Variants in KIF13B observed in about 807,000 individuals in gnomAD.
The protein encoded by KIF13B is kinesin family member 13B.
Under a neutral mutation model 222.0 loss-of-function variants are expected in KIF13B, and 127 were observed. The ratio of observed to expected loss-of-function variants is 0.57; its 90% CI spans 0.50 to 0.66. KIF13B has a LOEUF of 0.66. Among genes scored for constraint, KIF13B ranks in the 30% least tolerant of loss-of-function variants. KIF13B has a pLI of 0.00. For synonymous variants in KIF13B, 976 were observed against 919.0 expected, an observed-to-expected ratio of 1.06 and a Z score of -1.12; for missense variants, 2,173 against 2,379.0, an observed-to-expected ratio of 0.91 and a Z score of 1.80.
At chr8:29,075,373 C>A in intron 37 of KIF13B, 30 bp from the exon 38 acceptor site, 1 of 1,547,022 alleles carries the variant, frequency 6.5e-7, no homozygotes, top group South Asian at 1.2e-5. Flanking sequence ...GGTCAGGGGT[C>A]GAGAGGACAG....
intron 31 of KIF13B, among the ~76,000 whole-genome samples, chr8:29,116,469 A>T (rs1563714746): frequency 6.7e-6 from 1 of 148,988 alleles, no homozygotes; most frequent in African/African-American, 2.5e-5. Context: ...ACTCTATCTT[A>T]AAAAAAAAAG....
chr8:29,231,142 A>T (rs1237752542), intron 2 of KIF13B, among the ~76,000 whole-genome samples: 1 of 152,094 alleles, frequency 6.6e-6, no homozygotes, highest in African/African-American at 2.4e-5. Context: ...AGCCTCCCAA[A>T]GTGCTGGGAC....
In KIF13B at chr8:29,118,897, A is replaced by G. The variant is rs781097758; in HGVS notation, c.3631T>C (p.Leu1211=). 7.4e-6 allele frequency: 12 copies of G among 1,613,858 alleles called. No individual in the cohort carries two copies. The highest frequency in any genetic ancestry group is 1.0e-5 in the Non-Finnish European group (12 of 1,179,870). Residue 1211 remains leucine (L), a synonymous_variant, in exon 30 of 40, where the codon TTG becomes CTG. Coordinates refer to ENST00000524189, the MANE Select transcript of KIF13B (RefSeq NM_015254.4). ...TGEEEEEFFE[L]QIVKQHDGEV... is the part of the protein sequence containing the mutation. ...CCATCATGCTGCTTCACAATCTGCA[A>G]TTCAAAGAACTCCTCTTCTTCTTCC...
intron 2 of KIF13B, among the ~76,000 whole-genome samples, chr8:29,244,639 C>T (rs2130648896): frequency 6.6e-6 from 1 of 152,346 alleles, no homozygotes; most frequent in Admixed American, 6.5e-5. Context: ...ACTTCCTCAT[C>T]TGCTTTCCAG....
At chr8:29,075,157 T>G in intron 38 of KIF13B, 124 bp downstream of exon 38, 1 of 756,714 alleles carries the variant, frequency 1.3e-6, no homozygotes, top group South Asian at 1.5e-5. Flanking sequence ...TGACCTATAT[T>G]ATAACTAATT....
intron 2 of KIF13B, among the ~76,000 whole-genome samples, chr8:29,199,019 T>C (rs990423655): frequency 4.0e-5 from 6 of 149,626 alleles, no homozygotes; most frequent in Non-Finnish European, 5.9e-5. Flanking sequence ...GTCCCCATTG[T>C]ATAACTCATC....
intron 35 of KIF13B, among the ~76,000 whole-genome samples, chr8:29,101,767 C>G (rs1438601869): frequency 6.6e-6 from 1 of 152,160 alleles, no homozygotes; most frequent in East Asian, 1.9e-4. Flanking sequence ...TGTCCTGAGA[C>G]AGGGACCTCA....
chr8:29,140,075 T>C lies in KIF13B; in HGVS notation c.2601A>G (p.Lys867=). The change falls in exon 21 of 40, where the codon AAA becomes AAG. Residue 867 remains lysine, a synonymous_variant. Coordinates refer to ENST00000524189, the MANE Select transcript of KIF13B (RefSeq NM_015254.4). ...AGCTGGGACTTACCATGCACACCAG[T>C]TTGTTCTCCTGGGTCTCCTTCTCAA... ...VSFEKETQEN[K]LVCMVKILQA... is the part of the protein sequence containing the mutation. The C allele has an allele frequency of 2.5e-6, 4 of 1,591,658 alleles. No homozygotes were observed. The South Asian group carries it at 4.6e-5, about 18-fold the overall frequency.
intron 3 of KIF13B, among the ~76,000 whole-genome samples, chr8:29,193,612 C>T (rs1007672040): frequency 6.6e-6 from 1 of 152,216 alleles, no homozygotes; most frequent in African/African-American, 2.4e-5. Flanking sequence ...ATACAGTCAT[C>T]CCTCAGTATC....
At position 29,116,971 on chromosome 8, in the gene KIF13B, C is replaced by T. The variant is rs1273670588; in HGVS notation, c.3697G>A (p.Gly1233Ser). ...GTGCCCCTGCTGAGCTGAGGGCAGC[C>T]ATGCACCGCGGAGTCCCAGGAGGCT... is the stretch of plus-strand genomic sequence containing the variant. ...AEASWDSAVHGCPQLSRGTPV... is the reference protein window; with the variant it reads ...AEASWDSAVHSCPQLSRGTPV... Residue 1233 changes from glycine to serine, a missense_variant, in exon 31 of 40, where the codon GGC (glycine) becomes AGC (serine). Physicochemically the swap from Gly to Ser is moderately conservative, Grantham distance 56. Around this residue, in one of 2 missense-constraint regions of KIF13B, gnomAD observed 1,480 missense variants for 1,722.8 expected, o/e 0.86. Coordinates refer to ENST00000524189, the MANE Select transcript of KIF13B (RefSeq NM_015254.4). 1 of 1,605,094 alleles carries T rather than the reference C, an allele frequency of 6.2e-7. No individual in the cohort carries two copies. Among genetic ancestry groups the T allele is most frequent in the African/African-American group, 1.3e-5 (1 of 74,660 alleles).
rs1290547813 is a variant in KIF13B, at chr8:29,202,592, T to C, written c.150-6393A>G. 8.5e-5 allele frequency among the ~76,000 whole-genome samples: 13 copies of C among 152,194 alleles called. No individual in the cohort carries two copies. The East Asian group carries it at 2.3e-3, about 27-fold the overall frequency. The stretch of plus-strand genomic sequence containing the variant: ...TCAGCCTCCCAAAGTGCTGGGATTA[T>C]AGGAAGTGGGTTATTTCTTTAGTAT... On this transcript the variant is annotated intron_variant, in intron 2 of 39. Transcript: ENST00000524189.
chr8:29,106,632 CAAAAAAAA>C (rs71222590), intron 35 of KIF13B, among the ~76,000 whole-genome samples: 11,017 of 56,980 alleles, frequency 0.19, 502 homozygotes, highest in Middle Eastern at 0.33. Flanking sequence ...AACTCTGTCT[CAAAAAAAA>C]AAAAAAAAAA....
At position 29,067,878 on chromosome 8, in the gene KIF13B, C is replaced by T; in HGVS notation, c.*2626G>A. The T allele has an allele frequency of 6.5e-6, 1 of 152,918 alleles. No individual in the cohort carries two copies. Among genetic ancestry groups the T allele is most frequent in the Non-Finnish European group, 1.5e-5 (1 of 68,370 alleles). The allele number at this position is 152,918 out of a possible 1,614,324, so 9.5% of individuals were successfully genotyped here. ...CCCCCTCCTCACCTCTGCCCTCCCG[C>T]TCCCTCTGGTCAGGCCTGGGTACCC... On this transcript the variant is annotated 3_prime_UTR_variant, in exon 40 of 40. Transcript: ENST00000524189.
chr8:29,109,815 C>G (rs1393609248), intron 33 of KIF13B, 103 bp downstream of exon 33: 7 of 1,154,028 alleles, frequency 6.1e-6, no homozygotes, highest in Non-Finnish European at 8.6e-6. Context: ...AGAGTGAACT[C>G]TTCAAATGTT....
At chr8:29,210,029 T>G (rs1307359659) in intron 2 of KIF13B, among the ~76,000 whole-genome samples, 1 of 151,740 alleles carries the variant, frequency 6.6e-6, no homozygotes, top group African/African-American at 2.4e-5. Context: ...GCACTCCAGC[T>G]TAGGCAAGAG....
At chr8:29,220,553 A>T (rs555243528) in intron 2 of KIF13B, among the ~76,000 whole-genome samples, 40 of 83,804 alleles carry the variant, frequency 4.8e-4, no homozygotes, top group Middle Eastern at 4.8e-3. Context: ...TTCTTTATTT[A>T]AAAAAAAAAG....
In KIF13B at chr8:29,070,682, C is replaced by G; in HGVS notation, c.5303G>C (p.Arg1768Pro). 1 of 1,560,542 alleles carries G rather than the reference C, an allele frequency of 6.4e-7. No individual in the cohort carries two copies. The highest frequency in any genetic ancestry group is 8.7e-7 in the Non-Finnish European group (1 of 1,152,824). The stretch of plus-strand genomic sequence containing the variant: ...CCGCCGCACAGGGCCCGTGGCCCTG[C>G]GGACCCGGCTGGGCCTGACCAGCAG... ...YGLLVRPSRV[R>P]RATGPVRRRS... Residue 1768 changes from arginine (R) to proline (P), a missense_variant, in exon 40 of 40, where the codon CGC becomes CCC. Physicochemically the swap from Arg to Pro is moderately radical, Grantham distance 103. This residue lies in a region of KIF13B where 693 missense variants were observed against 656.2 expected (regional missense o/e 1.06). Coordinates refer to ENST00000524189, the MANE Select transcript of KIF13B (RefSeq NM_015254.4). The surrounding 1 kb of genome is among the most constrained non-coding windows in gnomAD (Gnocchi z 4.1).
intron 1 of KIF13B, among the ~76,000 whole-genome samples, chr8:29,262,689 G>A (rs1037325058): frequency 2.6e-5 from 4 of 151,258 alleles, no homozygotes; most frequent in African/African-American, 9.7e-5. Flanking sequence ...CGGGGGAGAC[G>A]AGAGGGCAAA....
At chr8:29,250,080 C>A (rs1384637000) in intron 1 of KIF13B, 1 of 1,282,104 alleles carries the variant, frequency 7.8e-7, no homozygotes, top group Non-Finnish European at 1.0e-6. Context: ...TCCTTACAGT[C>A]AAATCTGTAT....
Sources: gnomAD v4.1 joint callset for allele counts (sites outside exome capture counted in the v4.1 genomes callset) on GRCh38, gnomAD v4.1.1 for gene constraint, gnomAD v4.1.1 regional missense constraint, Gnocchi (gnomAD v3.1) non-coding constraint, MANE v1.5 for transcripts, NCBI Gene and HGNC (gene_info 2026-07-23, HGNC 2026-07-21) for gene names.